The following ACTR3C variants were observed in gnomAD, a reference collection of about 807,000 sequenced individuals.
The protein encoded by ACTR3C is actin-related protein 3C.
A neutral mutation model predicts 26.3 loss-of-function variants in ACTR3C; 18 were observed. The ratio of observed to expected loss-of-function variants is 0.68; its 90% CI spans 0.47 to 1.01. The LOEUF is 1.01. Among genes scored for constraint, ACTR3C ranks in the 50% least tolerant of loss-of-function variants. The pLI is 0.00. For missense variants in ACTR3C, 184 were observed against 250.7 expected (o/e 0.73, Z 1.80); for synonymous variants, 55 against 94.5 (o/e 0.58, Z 2.42).
At chr7:150,261,711 T>C (rs1833651851) in intron 6 of ACTR3C, among the ~76,000 whole-genome samples, 1 of 152,214 alleles carries the variant, frequency 6.6e-6, no homozygotes, top group African/African-American at 2.4e-5. Flanking sequence ...CATAAATAAA[T>C]AAATAAATAA....
the ACTR3C span, among the ~76,000 whole-genome samples, chr7:150,039,558 A>G: frequency 2.1e-5 from 3 of 142,166 alleles, no homozygotes; most frequent in Non-Finnish European, 3.1e-5. Flanking sequence ...CCAGGGGGGG[A>G]AGAGGGACTG....
At chr7:150,071,762 C>A in the ACTR3C span, among the ~76,000 whole-genome samples, 2 of 151,798 alleles carry the variant, frequency 1.3e-5, no homozygotes, top group Non-Finnish European at 2.9e-5. Flanking sequence ...GAGTTGTGGG[C>A]GTTTCAGGTC....
the ACTR3C span, among the ~76,000 whole-genome samples, chr7:150,155,306 T>C: frequency 1.9e-4 from 29 of 152,152 alleles, no homozygotes; most frequent in African/African-American, 7.0e-4. Flanking sequence ...TGATCTCAAC[T>C]GCCACTTGAG....
At chr7:150,105,662 T>C in the ACTR3C span, among the ~76,000 whole-genome samples, 5 of 152,224 alleles carry the variant, frequency 3.3e-5, no homozygotes, top group East Asian at 9.6e-4. Flanking sequence ...AATTATTTAC[T>C]TATAAATGTA....
chr7:150,096,809 A>G, the ACTR3C span, among the ~76,000 whole-genome samples: 1 of 151,840 alleles, frequency 6.6e-6, no homozygotes, highest in Non-Finnish European at 1.5e-5. Flanking sequence ...ATGAGGGGGA[A>G]GTTCCAGGGC....
chr7:150,088,058 A>G, the ACTR3C span, among the ~76,000 whole-genome samples: 1 of 152,258 alleles, frequency 6.6e-6, no homozygotes. Context: ...ATTATATAGC[A>G]TTCTTAATAG....
chr7:150,224,100 A>G, the ACTR3C span, among the ~76,000 whole-genome samples: 4 of 152,312 alleles, frequency 2.6e-5, no homozygotes, highest in South Asian at 4.1e-4. Context: ...AATCACAATC[A>G]TGTATAACCT....
At chr7:149,960,104 T>C in the ACTR3C span, among the ~76,000 whole-genome samples, 1 of 151,968 alleles carries the variant, frequency 6.6e-6, no homozygotes, top group Non-Finnish European at 1.5e-5. Flanking sequence ...ATTATCAATC[T>C]GACATAAGTC....
the ACTR3C span, among the ~76,000 whole-genome samples, chr7:150,037,569 GA>G: frequency 5.9e-5 from 3 of 50,618 alleles, 1 homozygote; most frequent in South Asian, 1.3e-3. Flanking sequence ...GGGGTCCTAA[GA>G]ACCCGGGGGG....
chr7:150,068,951 T>A, the ACTR3C span, among the ~76,000 whole-genome samples: 1 of 152,152 alleles, frequency 6.6e-6, no homozygotes, highest in Non-Finnish European at 1.5e-5. Flanking sequence ...TAAACTGCAC[T>A]CTAAAGCTCG....
At chr7:150,227,839 C>A in the ACTR3C span, among the ~76,000 whole-genome samples, 2 of 150,932 alleles carry the variant, frequency 1.3e-5, no homozygotes, top group Non-Finnish European at 2.9e-5. Context: ...GCTCTCAATT[C>A]TGTTTCATTG....
At chr7:150,145,390 G>C in the ACTR3C span, among the ~76,000 whole-genome samples, 1 of 152,094 alleles carries the variant, frequency 6.6e-6, no homozygotes, top group African/African-American at 2.4e-5. Context: ...CACAGAGCTT[G>C]TCACTGGAGG....
the ACTR3C span, among the ~76,000 whole-genome samples, chr7:150,047,072 G>A: frequency 6.6e-6 from 1 of 151,748 alleles, no homozygotes; most frequent in Non-Finnish European, 1.5e-5. Context: ...CCGCTGGGGG[G>A]AAAAAGTGTC....
At chr7:150,260,007 G>C (rs1211557720) in intron 6 of ACTR3C, among the ~76,000 whole-genome samples, 3 of 152,218 alleles carry the variant, frequency 2.0e-5, no homozygotes, top group Non-Finnish European at 4.4e-5. Flanking sequence ...ATCTAGGTCA[G>C]AAGTTGGCAA....
At chr7:149,994,993 T>C in the ACTR3C span, among the ~76,000 whole-genome samples, 2 of 151,882 alleles carry the variant, frequency 1.3e-5, no homozygotes, top group African/African-American at 4.8e-5. Flanking sequence ...TAGCTGGGAT[T>C]ACATGCACCC....
the ACTR3C span, among the ~76,000 whole-genome samples, chr7:150,131,161 A>T: frequency 6.6e-6 from 1 of 152,238 alleles, no homozygotes; most frequent in Non-Finnish European, 1.5e-5. Context: ...AAAAAAGTAT[A>T]GAAAAATTGA....
the ACTR3C span, among the ~76,000 whole-genome samples, chr7:150,130,450 T>C: frequency 6.6e-6 from 1 of 152,148 alleles, no homozygotes; most frequent in South Asian, 2.1e-4. Flanking sequence ...TATTTAGAGA[T>C]CTTACAATTC....
chr7:150,228,678 G>T, the ACTR3C span, among the ~76,000 whole-genome samples: 7 of 151,938 alleles, frequency 4.6e-5, no homozygotes, highest in African/African-American at 1.2e-4. Context: ...CCCTGGCTTT[G>T]GTTCAGGCAG....
At chr7:149,915,238 C>T in the ACTR3C span, among the ~76,000 whole-genome samples, 3 of 151,210 alleles carry the variant, frequency 2.0e-5, no homozygotes, top group East Asian at 5.8e-4. Flanking sequence ...AAGTGAAAAA[C>T]TAAAGCAATA....
Sources: gnomAD v4.1 joint callset for allele counts (sites outside exome capture counted in the v4.1 genomes callset) on GRCh38, gnomAD v4.1.1 for gene constraint, MANE v1.5 for transcripts, NCBI Gene and HGNC (gene_info 2026-07-23, HGNC 2026-07-21) for gene names.